The following FXR2 variants were observed in gnomAD, a reference collection of about 807,000 sequenced individuals.
FXR2 encodes FMR1 autosomal homolog 2, also known as RNA-binding protein FXR2.
Under a neutral mutation model 87.3 loss-of-function variants are expected in FXR2, and 9 were observed. The observed-to-expected ratio is 0.10, with a 90% confidence interval of 0.06 to 0.18. The LOEUF (loss-of-function observed/expected upper bound fraction) is 0.18. Ranked by LOEUF, FXR2 falls within the 10% of genes least tolerant of loss-of-function variation. FXR2 has a pLI of 1.00. For synonymous variants in FXR2, 331 were observed against 328.3 expected (o/e 1.01, Z -0.09); for missense variants, 661 against 893.6 (o/e 0.74, Z 3.32).
chr17:7,592,973 C>A lies in FXR2; in HGVS notation c.1528+11G>T. On this transcript the variant is annotated intron_variant, in intron 13 of 16. Transcript: ENST00000250113. The surrounding 1 kb of genome is among the most constrained non-coding windows in gnomAD (Gnocchi z 4.8). Reference sequence around the variant, plus strand: ...TTTTGGCCCATATTCATGAACCCAGCTGTCTGGTACCTGAGCTAATAGATG... The same window carrying A: ...TTTTGGCCCATATTCATGAACCCAGATGTCTGGTACCTGAGCTAATAGATG... 1.3e-6 allele frequency: 2 copies of A among 1,559,056 alleles called. No individual in the cohort carries two copies. The highest frequency in any genetic ancestry group is 2.3e-5 in the East Asian group (1 of 44,424).
At chr17:7,610,049 C>CATGTATGTGTATATAT (rs1567754155) in intron 1 of FXR2, among the ~76,000 whole-genome samples, 2 of 35,668 alleles carry the variant, frequency 5.6e-5, no homozygotes, top group African/African-American at 2.6e-4. Context: ...TATATATATA[C>CATGTATGTGTATATAT]ACACACACAC....
intron 6 of FXR2, among the ~76,000 whole-genome samples, chr17:7,602,146 G>A (rs1044557070): frequency 4.6e-5 from 7 of 152,128 alleles, no homozygotes; most frequent in African/African-American, 1.2e-4. Context: ...GTCAGAGGCC[G>A]GGCGTGGTGG....
rs1227019123 is a variant in FXR2, at chr17:7,613,046, G to T, written c.81+1406C>A. On this transcript the variant is annotated intron_variant, in intron 1 of 16. Coordinates refer to ENST00000250113, the MANE Select transcript of FXR2 (RefSeq NM_004860.4). ...AATGACTACAATGCACTTAGCAACTGAAGTACAGGCAGAAACCACCCAAGA... is the reference window on the plus strand; with the variant it reads ...AATGACTACAATGCACTTAGCAACTTAAGTACAGGCAGAAACCACCCAAGA... Among the ~76,000 whole-genome samples the T allele has an allele frequency of 2.1e-5, 3 of 143,668 alleles. No homozygotes were observed. In the Admixed American group the frequency reaches 2.1e-4, roughly 10 times the overall value. 94.3% of individuals were successfully genotyped at this position (143,668 alleles called of 152,430 possible). A position where few individuals can be genotyped will look rare whatever the true frequency, so the allele number is the denominator to read the frequency against.
In FXR2 at chr17:7,603,996, C is replaced by T. The variant is rs994052133; in HGVS notation, c.300+13G>A. ...GTTTCAGTAGTTCTCCAAAGGCATT[C>T]CCAGTCACTCACATCTCCCTTCATC... is the stretch of plus-strand genomic sequence containing the variant. On this transcript the variant is annotated intron_variant, in intron 4 of 16. Transcript: ENST00000250113. The T allele has an allele frequency of 6.3e-7, 1 of 1,597,582 alleles. No individual in the cohort carries two copies. The highest frequency in any genetic ancestry group is 1.7e-4 in the Middle Eastern group (1 of 6,046).
At position 7,594,440 on chromosome 17, in the gene FXR2, T is replaced by C; in HGVS notation, c.911-93A>G. On this transcript the variant is annotated intron_variant, in intron 9 of 16. Transcript: ENST00000250113. The surrounding 1 kb of genome is among the most constrained non-coding windows in gnomAD (Gnocchi z 5.1). The stretch of plus-strand genomic sequence containing the variant: ...CCGTCTTCCAGCCTCATTTTCTTTA[T>C]ATGGATTCCATTTACTTCATTCTCC... The C allele has an allele frequency of 1.3e-6, 1 of 789,474 alleles. No homozygotes were observed. The highest frequency in any genetic ancestry group is 1.6e-5 in the South Asian group (1 of 61,468). The allele number at this position is 789,474 out of a possible 1,614,324, so 48.9% of individuals were successfully genotyped here.
At position 7,594,095 on chromosome 17, in the gene FXR2, T is replaced by C. The variant is rs1454167230; in HGVS notation, c.1021-91A>G. ...CAGTCTCCTAGGGGAGCCTGCCCAGTGGGATCATTCTGGGCTCTAAATCTA... is the reference window on the plus strand; with the variant it reads ...CAGTCTCCTAGGGGAGCCTGCCCAGCGGGATCATTCTGGGCTCTAAATCTA... On this transcript the variant is annotated intron_variant, in intron 10 of 16. Transcript: ENST00000250113. This position sits in a 1 kb window ranked among gnomAD's most constrained non-coding sequence, Gnocchi z 5.1. 26 of 964,098 alleles carry C rather than the reference T, an allele frequency of 2.7e-5. No individual in the cohort carries two copies. In the Admixed American group the frequency reaches 4.7e-4, roughly 18 times the overall value. The allele number at this position is 964,098 out of a possible 1,614,324, so 59.7% of individuals were successfully genotyped here. A position where few individuals can be genotyped will look rare whatever the true frequency, so the allele number is the denominator to read the frequency against.
chr17:7,594,258 T>C lies in FXR2; in HGVS notation c.1000A>G (p.Lys334Glu). The change falls in exon 10 of 17, where the codon AAG (lysine) becomes GAG (glutamate). Residue 334 changes from lysine (K) to glutamate (E), a missense_variant. Lys to Glu is a moderately conservative substitution (Grantham distance 56). Coordinates refer to ENST00000250113, the MANE Select transcript of FXR2 (RefSeq NM_004860.4). The surrounding 1 kb of genome is among the most constrained non-coding windows in gnomAD (Gnocchi z 5.1). Reference protein sequence around the residue: ...VRVRVEGDNDKKNPREEGMVP... With the variant: ...VRVRVEGDNDEKNPREEGMVP... ...CATACCTCCTCCCTGGGGTTCTTCT[T>C]GTCATTATCACCTTCCACTCGAACC... 1 of 1,604,692 alleles carries C rather than the reference T, an allele frequency of 6.2e-7. No individual in the cohort carries two copies. Among genetic ancestry groups the C allele is most frequent in the Non-Finnish European group, 8.5e-7 (1 of 1,171,448 alleles).
rs1240216771 is a variant in FXR2 at position 7,614,723 on chromosome 17, T to TCCGCCG, written c.-197_-192dup. 7.5e-6 allele frequency: 2 copies of TCCGCCG among 267,470 alleles called. No homozygotes were observed. The highest frequency in any genetic ancestry group is 1.4e-4 in the East Asian group (2 of 14,298). 16.6% of individuals were successfully genotyped at this position (267,470 alleles called of 1,614,324 possible). A position where few individuals can be genotyped will look rare whatever the true frequency, so the allele number is the denominator to read the frequency against. On this transcript the variant is annotated 5_prime_UTR_variant, in exon 1 of 17. Coordinates refer to ENST00000250113, the MANE Select transcript of FXR2 (RefSeq NM_004860.4). Reference sequence around the variant, plus strand: ...GGGGCCGGGGCCGGGCCGCTCCCCGTCCGCCGCCGCCGCCTTGGTCTCCGC... The same window carrying TCCGCCG: ...GGGGCCGGGGCCGGGCCGCTCCCCGTCCGCCGCCGCCGCCGCCGCCTTGGTCTCCGC...
rs2071686107 is a variant in FXR2 at position 7,593,703 on chromosome 17, T to A, written c.1108-78A>T. On this transcript the variant is annotated intron_variant, in intron 11 of 16. Transcript: ENST00000250113. This position sits in a 1 kb window ranked among gnomAD's most constrained non-coding sequence, Gnocchi z 6.1. ...GCTTCATGCTTCTGCACCCTGACTG[T>A]CCCTCTATATCTAACCTCTCAGGAA... The A allele has an allele frequency of 3.0e-6, 3 of 987,404 alleles. No individual in the cohort carries two copies. The highest frequency in any genetic ancestry group is 5.2e-5 in the East Asian group (2 of 38,300). The allele number at this position is 987,404 out of a possible 1,614,324, so 61.2% of individuals were successfully genotyped here. A position where few individuals can be genotyped will look rare whatever the true frequency, so the allele number is the denominator to read the frequency against.
rs542412623 is a variant in FXR2 at position 7,611,722 on chromosome 17, TGA to T, written c.81+2728_81+2729del. On this transcript the variant is annotated intron_variant, in intron 1 of 16. Coordinates refer to ENST00000250113, the MANE Select transcript of FXR2 (RefSeq NM_004860.4). ...GAAAACTGACAACAGGGCCCAATTC[TGA>T]GAGAGGAGAAAGGGACCTTCCCAAA... is the stretch of plus-strand genomic sequence containing the variant. Among the ~76,000 whole-genome samples, 649 of 151,718 alleles carry T rather than the reference TGA, an allele frequency of 4.3e-3. 3 individuals carry two copies. Among genetic ancestry groups the T allele is most frequent in the Non-Finnish European group, 6.6e-3 (446 of 67,916 alleles).
intron 3 of FXR2, among the ~76,000 whole-genome samples, chr17:7,604,779 T>G (rs2071789682): frequency 6.9e-6 from 1 of 144,318 alleles, no homozygotes. Context: ...TGGAGTGCAA[T>G]GGCACAATCT....
intron 7 of FXR2, among the ~76,000 whole-genome samples, chr17:7,600,484 C>T (rs1415746134): frequency 6.6e-6 from 1 of 152,224 alleles, no homozygotes; most frequent in South Asian, 2.1e-4. Context: ...TGAGCCACCG[C>T]GCCCACCCTA....
chr17:7,608,855 TCTA>T (rs767551864), intron 1 of FXR2, among the ~76,000 whole-genome samples: 2 of 152,208 alleles, frequency 1.3e-5, no homozygotes, highest in East Asian at 1.9e-4. Flanking sequence ...TTTAAATATG[TCTA>T]CTTTGTTGTA....
chr17:7,610,049 C>CATGTATATATAT (rs1567754155), intron 1 of FXR2, among the ~76,000 whole-genome samples: 1 of 35,668 alleles, frequency 2.8e-5, no homozygotes, highest in East Asian at 8.8e-4. Context: ...TATATATATA[C>CATGTATATATAT]ACACACACAC....
At position 7,601,450 on chromosome 17, in the gene FXR2, G is replaced by A. The variant is rs747786710; in HGVS notation, c.619C>T (p.Leu207=). 6.2e-7 allele frequency: 1 copy of A among 1,612,904 alleles called. No homozygotes were observed. Among genetic ancestry groups the A allele is most frequent in the African/African-American group, 1.3e-5 (1 of 74,888 alleles). Residue 207 remains leucine (L), a synonymous_variant, in exon 7 of 17, where the codon CTA becomes TTA. Coordinates refer to ENST00000250113, the MANE Select transcript of FXR2 (RefSeq NM_004860.4). ...GCTTCTTCATTGCGGGACATAAGTA[G>A]CAGTTTGGTGCGCAGGCTTCGGAAA... is the stretch of plus-strand genomic sequence containing the variant. ...MHFRSLRTKL[L]LMSRNEEATK...
intron 6 of FXR2, among the ~76,000 whole-genome samples, chr17:7,602,449 T>C (rs1021952974): frequency 6.6e-6 from 1 of 151,956 alleles, no homozygotes; most frequent in Non-Finnish European, 1.5e-5. Flanking sequence ...GCGCCTGTAA[T>C]CCCAGCTACT....
At position 7,595,439 on chromosome 17, in the gene FXR2, A is replaced by G. The variant is rs2071699707; in HGVS notation, c.831+385T>C. ...GTAGCTGGGGCCACAGATGCATGCC[A>G]CCACGCTCAGTTAACGTTTTTTGGT... is the stretch of plus-strand genomic sequence containing the variant. On this transcript the variant is annotated intron_variant, in intron 8 of 16. Transcript: ENST00000250113. The surrounding 1 kb of genome is among the most constrained non-coding windows in gnomAD (Gnocchi z 4.7). 6.6e-6 allele frequency among the ~76,000 whole-genome samples: 1 copy of G among 151,766 alleles called. No individual in the cohort carries two copies. Among genetic ancestry groups the G allele is most frequent in the Non-Finnish European group, 1.5e-5 (1 of 67,958 alleles).
rs757270620 is a variant in FXR2, at chr17:7,592,686, A to T, written c.1729+8T>A. On this transcript the variant is annotated splice_region_variant and intron_variant, in intron 14 of 16. Transcript: ENST00000250113. The surrounding 1 kb of genome is among the most constrained non-coding windows in gnomAD (Gnocchi z 4.8). ...CTCTAACTTTCCAGACCCCAGGCAC[A>T]CCCTCACCCAGGCCATTCTCTGTCA... The T allele has an allele frequency of 4.3e-6, 7 of 1,613,196 alleles. No homozygotes were observed. Among genetic ancestry groups the T allele is most frequent in the Non-Finnish European group, 5.9e-6 (7 of 1,179,574 alleles).
In FXR2 at chr17:7,593,453, C is replaced by T; in HGVS notation, c.1280G>A (p.Gly427Asp). 3 of 1,589,800 alleles carry T rather than the reference C, an allele frequency of 1.9e-6. No individual in the cohort carries two copies. Among genetic ancestry groups the T allele is most frequent in the Non-Finnish European group, 2.6e-6 (3 of 1,168,950 alleles). The change falls in exon 12 of 17, where the codon GGC (glycine) becomes GAC (aspartate). Residue 427 changes from glycine to aspartate, a missense_variant. Around this residue, in one of 3 missense-constraint regions of FXR2, gnomAD observed 409 missense variants for 432.0 expected, o/e 0.95. Transcript: ENST00000250113. This position sits in a 1 kb window ranked among gnomAD's most constrained non-coding sequence, Gnocchi z 6.1. ...SSLHATRTYG[G>D]SYGGRGRGRR... ...GCCACGGCCACGGCCCCCATAGCTGCCCCCATAGGTTCGAGTCGCATGGAG... is the reference window on the plus strand; with the variant it reads ...GCCACGGCCACGGCCCCCATAGCTGTCCCCATAGGTTCGAGTCGCATGGAG...
Sources: allele counts gnomAD v4.1 joint callset (sites outside exome capture counted in the v4.1 genomes callset), GRCh38; gene constraint gnomAD v4.1.1; regional missense constraint gnomAD v4.1.1; non-coding constraint Gnocchi (gnomAD v3.1); transcripts MANE v1.5; gene names NCBI Gene and HGNC (gene_info 2026-07-23, HGNC 2026-07-21).